Variants in MAGI2 observed in about 807,000 individuals in gnomAD.
MAGI2 encodes the protein membrane associated guanylate kinase, WW and PDZ domain containing 2.
A neutral mutation model predicts 133.3 loss-of-function variants in MAGI2; 35 were observed. The ratio of observed to expected loss-of-function variants is 0.26; its 90% CI spans 0.20 to 0.35. MAGI2 has a LOEUF of 0.35. MAGI2 is among the 10% of genes least tolerant of loss of function. The pLI, the probability that MAGI2 is intolerant of heterozygous loss-of-function variation, is 1.00. For synonymous variants in MAGI2, 729 were observed against 710.6 expected, an observed-to-expected ratio of 1.03 and a Z score of -0.41; for missense variants, 1,636 against 1,863.4, an observed-to-expected ratio of 0.88 and a Z score of 2.25.
In MAGI2 at chr7:78,127,262, G is replaced by C. The variant is rs1412686781; in HGVS notation, c.3358C>G (p.Leu1120Val). 3 of 1,609,318 alleles carry C rather than the reference G, an allele frequency of 1.9e-6. No homozygotes were observed. In the African/African-American group the frequency reaches 4.0e-5, roughly 22 times the overall value. The stretch of plus-strand genomic sequence containing the variant: ...TCGGGGGAGTGCTGCCTGTAGTCCA[G>C]TAGGGGAGGCTGCCTGTAGTCCAAG... ...PPLDYRQPPL[L>V]DYRQHSPDTR... The change falls in exon 19 of 22, where the codon CTG (leucine) becomes GTG (valine). Residue 1120 changes from leucine (L) to valine (V), a missense_variant. Leu to Val is a conservative substitution (Grantham distance 32, BLOSUM62 1). Around this residue, in one of 5 missense-constraint regions of MAGI2, gnomAD observed 920 missense variants for 1,093.5 expected, o/e 0.84. Transcript: ENST00000354212.
At chr7:78,659,093 C>T (rs931383611) in intron 2 of MAGI2, among the ~76,000 whole-genome samples, 3 of 152,070 alleles carry the variant, frequency 2.0e-5, no homozygotes, top group Admixed American at 6.6e-5. Flanking sequence ...AATGCTTAAA[C>T]GAACTATGGT....
intron 1 of MAGI2, among the ~76,000 whole-genome samples, chr7:79,159,263 G>T (rs1824112415): frequency 6.6e-6 from 1 of 151,896 alleles, no homozygotes; most frequent in African/African-American, 2.4e-5. Flanking sequence ...TTTTTAAGGG[G>T]TTGTATAATT....
At chr7:78,638,225 C>T (rs531266273) in intron 2 of MAGI2, among the ~76,000 whole-genome samples, 3 of 152,292 alleles carry the variant, frequency 2.0e-5, no homozygotes, top group Non-Finnish European at 2.9e-5. Flanking sequence ...AAGGCTTCTA[C>T]AGTAAATGAC....
chr7:78,079,655 C>T, intron 20 of MAGI2, among the ~76,000 whole-genome samples: 1 of 152,192 alleles, frequency 6.6e-6, no homozygotes, highest in Non-Finnish European at 1.5e-5. Context: ...GATGAGTTTT[C>T]TATCACAGCC....
At chr7:78,131,612 T>C (rs558332749) in intron 18 of MAGI2, among the ~76,000 whole-genome samples, 5 of 152,328 alleles carry the variant, frequency 3.3e-5, no homozygotes, top group African/African-American at 9.6e-5. Flanking sequence ...TTTTTGTTTG[T>C]TTGTTTCCCA....
intron 1 of MAGI2, among the ~76,000 whole-genome samples, chr7:79,112,068 C>T (rs189932109): frequency 3.2e-4 from 49 of 152,060 alleles, no homozygotes; most frequent in Non-Finnish European, 5.9e-4. Flanking sequence ...TCTTAATACA[C>T]AACACCGAGA....
intron 2 of MAGI2, among the ~76,000 whole-genome samples, chr7:78,756,557 T>C (rs539043437): frequency 6.6e-6 from 1 of 152,172 alleles, no homozygotes; most frequent in Non-Finnish European, 1.5e-5. Flanking sequence ...ATTTGGCAGC[T>C]ATGTTTGCAC....
intron 1 of MAGI2, among the ~76,000 whole-genome samples, chr7:79,191,914 G>T (rs1287874281): frequency 6.6e-6 from 1 of 151,874 alleles, no homozygotes; most frequent in East Asian, 1.9e-4. Context: ...TTTCTGGCTT[G>T]AATGGAACTC....
chr7:78,582,863 G>C (rs1267490933), intron 3 of MAGI2, among the ~76,000 whole-genome samples: 1 of 152,122 alleles, frequency 6.6e-6, no homozygotes, highest in Non-Finnish European at 1.5e-5. Flanking sequence ...AAAGACCTAT[G>C]TTTCCAAATA....
intron 6 of MAGI2, among the ~76,000 whole-genome samples, chr7:78,424,061 T>C (rs967971130): frequency 6.6e-6 from 1 of 152,168 alleles, no homozygotes; most frequent in Non-Finnish European, 1.5e-5. Context: ...CTCCAGGGCA[T>C]GTCAGAGGTC....
At chr7:79,096,419 T>C (rs1817522663) in intron 1 of MAGI2, among the ~76,000 whole-genome samples, 1 of 152,138 alleles carries the variant, frequency 6.6e-6, no homozygotes, top group Non-Finnish European at 1.5e-5. Context: ...CTATTGCTAG[T>C]CCCTGGGTGC....
chr7:78,346,633 G>A (rs1790940008), intron 7 of MAGI2, among the ~76,000 whole-genome samples: 1 of 152,132 alleles, frequency 6.6e-6, no homozygotes, highest in Admixed American at 6.5e-5. Context: ...ATGGTGAGAG[G>A]GCAAATTTGT....
intron 2 of MAGI2, among the ~76,000 whole-genome samples, chr7:78,881,997 C>T (rs1043490004): frequency 1.5e-5 from 2 of 137,550 alleles, no homozygotes; most frequent in African/African-American, 5.4e-5. Context: ...AAAACCCATA[C>T]CAAATGATCA....
chr7:78,848,229 C>T (rs569824671), intron 2 of MAGI2, among the ~76,000 whole-genome samples: 1 of 151,966 alleles, frequency 6.6e-6, no homozygotes, highest in Admixed American at 6.6e-5. Context: ...GCTCCATCTT[C>T]CTCTAGAGCT....
intron 6 of MAGI2, among the ~76,000 whole-genome samples, chr7:78,439,483 G>T (rs1237299604): frequency 6.6e-6 from 1 of 152,170 alleles, no homozygotes; most frequent in African/African-American, 2.4e-5. Context: ...GCAGGCCTTT[G>T]TATGACAGCA....
chr7:78,610,784 A>AT (rs1255730372), intron 3 of MAGI2, among the ~76,000 whole-genome samples: 1 of 152,158 alleles, frequency 6.6e-6, no homozygotes, highest in African/African-American at 2.4e-5. Flanking sequence ...AGAATGATGG[A>AT]TATCATGGTT....
At chr7:79,300,732 C>T (rs1344865443) in intron 1 of MAGI2, among the ~76,000 whole-genome samples, 1 of 152,160 alleles carries the variant, frequency 6.6e-6, no homozygotes. Context: ...GTGTTGATAG[C>T]CAAGGCAATG....
At chr7:78,344,709 T>C (rs1584946393) in intron 8 of MAGI2, among the ~76,000 whole-genome samples, 1 of 152,204 alleles carries the variant, frequency 6.6e-6, no homozygotes, top group Non-Finnish European at 1.5e-5. Flanking sequence ...ATTATGAATG[T>C]AAAGGTAACA....
chr7:78,231,405 C>T lies in MAGI2; in HGVS notation c.2047+24538G>A, dbSNP rs1789954582. 2.0e-5 allele frequency among the ~76,000 whole-genome samples: 3 copies of T among 152,338 alleles called. No homozygotes were observed. In the South Asian group the frequency reaches 6.2e-4, roughly 32 times the overall value. On this transcript the variant is annotated intron_variant, in intron 10 of 21. Transcript: ENST00000354212. ...CTGGGTGTTTTTGCATTCCTGGCCC[C>T]TGCGCTCTAAATGCCAGTAAGAATC...
Sources: allele counts gnomAD v4.1 joint callset (sites outside exome capture counted in the v4.1 genomes callset), GRCh38; gene constraint gnomAD v4.1.1; regional missense constraint gnomAD v4.1.1; transcripts MANE v1.5; gene names NCBI Gene and HGNC (gene_info 2026-07-23, HGNC 2026-07-21).